Variants in KCNT2 observed in about 807,000 individuals in gnomAD.
KCNT2 encodes the protein potassium channel subfamily T member 2.
A neutral mutation model predicts 153.8 loss-of-function variants in KCNT2; 67 were observed. The ratio of observed to expected loss-of-function variants is 0.44; its 90% CI spans 0.36 to 0.53. The LOEUF (loss-of-function observed/expected upper bound fraction) is 0.53. Ranked by LOEUF, KCNT2 falls within the 20% of genes least tolerant of loss-of-function variation. The pLI is 0.00. For missense variants in KCNT2, 975 were observed against 1,354.8 expected (o/e 0.72, Z 4.40); for synonymous variants, 500 against 458.8 (o/e 1.09, Z -1.15).
chr1:196,598,118 G>A (rs544665938), intron 1 of KCNT2, among the ~76,000 whole-genome samples: 1 of 152,200 alleles, frequency 6.6e-6, no homozygotes, highest in African/African-American at 2.4e-5. Context: ...ATAAATGGAT[G>A]ACCCTGTCCA....
chr1:196,367,626 A>G (rs181940133), intron 14 of KCNT2, among the ~76,000 whole-genome samples: 10 of 152,312 alleles, frequency 6.6e-5, no homozygotes, highest in Admixed American at 6.5e-4. Context: ...ATGAAAGCAT[A>G]GTTTCTTTGC....
chr1:196,278,366 A>C (rs1658777963), intron 25 of KCNT2, among the ~76,000 whole-genome samples: 1 of 152,152 alleles, frequency 6.6e-6, no homozygotes. Context: ...ATTTAATTTA[A>C]TAACAATATG....
chr1:196,364,350 A>G (rs1667870588), intron 14 of KCNT2, among the ~76,000 whole-genome samples: 1 of 152,130 alleles, frequency 6.6e-6, no homozygotes, highest in African/African-American at 2.4e-5. Context: ...ACGTAATTTT[A>G]TTTTTCAGGA....
chr1:196,477,024 A>G (rs1678595656), intron 5 of KCNT2, among the ~76,000 whole-genome samples: 1 of 152,280 alleles, frequency 6.6e-6, no homozygotes, highest in South Asian at 2.1e-4. Context: ...TTTGTTCCTC[A>G]GATATTTCTA....
chr1:196,571,276 G>C (rs942882296), intron 1 of KCNT2, among the ~76,000 whole-genome samples: 1 of 152,104 alleles, frequency 6.6e-6, no homozygotes, highest in Non-Finnish European at 1.5e-5. Flanking sequence ...TACAGTATCT[G>C]TTGGAAGAAT....
At chr1:196,312,504 T>C (rs1362806934) in intron 21 of KCNT2, among the ~76,000 whole-genome samples, 2 of 151,788 alleles carry the variant, frequency 1.3e-5, no homozygotes, top group African/African-American at 2.4e-5. Context: ...AGGACTCTCA[T>C]GATGTCTGTA....
At chr1:196,359,395 C>A (rs935393812) in intron 14 of KCNT2, among the ~76,000 whole-genome samples, 1 of 151,868 alleles carries the variant, frequency 6.6e-6, no homozygotes, top group South Asian at 2.1e-4. Flanking sequence ...TTAAAAATTT[C>A]TTTTTCCTTG....
intron 25 of KCNT2, among the ~76,000 whole-genome samples, chr1:196,265,785 CCA>C (rs1263865590): frequency 6.6e-6 from 1 of 152,136 alleles, no homozygotes; most frequent in African/African-American, 2.4e-5. Flanking sequence ...TTCCTGATCC[CCA>C]CAGTTATAGA....
rs1222233083 is a variant in KCNT2, at chr1:196,437,188, T to C, written c.639-7431A>G. Among the ~76,000 whole-genome samples the C allele has an allele frequency of 2.9e-5, 3 of 103,930 alleles. No homozygotes were observed. In the Admixed American group the frequency reaches 4.0e-4, roughly 14 times the overall value. 68.2% of individuals were successfully genotyped at this position (103,930 alleles called of 152,430 possible). The stretch of plus-strand genomic sequence containing the variant: ...TATATGATAATAAACAAAATGTGTG[T>C]TACAATTAGGTAACTACCAAAACCA... On this transcript the variant is annotated intron_variant, in intron 8 of 27. Coordinates refer to ENST00000294725, the MANE Select transcript of KCNT2 (RefSeq NM_198503.5).
intron 5 of KCNT2, among the ~76,000 whole-genome samples, chr1:196,472,527 T>A (rs908417117): frequency 1.3e-5 from 2 of 152,178 alleles, no homozygotes; most frequent in Non-Finnish European, 1.5e-5. Flanking sequence ...ATTGTATCAA[T>A]AGCTCGAACC....
chr1:196,249,845 C>A (rs913952170), intron 26 of KCNT2, among the ~76,000 whole-genome samples: 1 of 151,728 alleles, frequency 6.6e-6, no homozygotes, highest in South Asian at 2.1e-4. Context: ...AAGGTAATCC[C>A]ATTTACAATA....
intron 21 of KCNT2, among the ~76,000 whole-genome samples, chr1:196,313,091 G>C (rs1662349592): frequency 6.6e-6 from 1 of 151,676 alleles, no homozygotes; most frequent in African/African-American, 2.4e-5. Flanking sequence ...GAGGATTTCA[G>C]TGCAGCAGTG....
chr1:196,278,137 A>G lies in KCNT2; in HGVS notation c.2910+2723T>C, dbSNP rs187881995. On this transcript the variant is annotated intron_variant, in intron 25 of 27. Coordinates refer to ENST00000294725, the MANE Select transcript of KCNT2 (RefSeq NM_198503.5). Reference sequence around the variant, plus strand: ...TGAATTTTATCCTTTCATGTATCAGACCATAATTACTATATAGATCAACAT... The same window carrying G: ...TGAATTTTATCCTTTCATGTATCAGGCCATAATTACTATATAGATCAACAT... Among the ~76,000 whole-genome samples, 709 of 152,270 alleles carry G rather than the reference A, an allele frequency of 4.7e-3. 6 individuals are homozygous for G. Among genetic ancestry groups the G allele is most frequent in the African/African-American group, 0.016 (664 of 41,552 alleles).
At chr1:196,494,069 A>G (rs1028299290) in intron 1 of KCNT2, among the ~76,000 whole-genome samples, 6 of 152,200 alleles carry the variant, frequency 3.9e-5, no homozygotes, top group African/African-American at 1.4e-4. Flanking sequence ...ACATCTACGT[A>G]CATATACATA....
At chr1:196,341,425 AAGTCAAAGCATC>A (rs1277895844) in intron 15 of KCNT2, among the ~76,000 whole-genome samples, 5 of 152,042 alleles carry the variant, frequency 3.3e-5, no homozygotes, top group Non-Finnish European at 5.9e-5. Flanking sequence ...AAAAAATAGT[AAGTCAAAGCATC>A]ATAAGTTGGG....
At chr1:196,334,115 T>C (rs772164140) in intron 16 of KCNT2, 55 bp from the exon 17 acceptor site, 166 of 1,056,868 alleles carry the variant, frequency 1.6e-4, no homozygotes, top group Non-Finnish European at 2.0e-4. Context: ...TGATCACTAG[T>C]GTTGAAGGTT....
At chr1:196,418,989 G>A (rs951661608) in intron 12 of KCNT2, among the ~76,000 whole-genome samples, 19 of 152,004 alleles carry the variant, frequency 1.2e-4, no homozygotes, top group African/African-American at 4.6e-4. Context: ...AGAGCCTGCT[G>A]TTTAGGGTCC....
intron 14 of KCNT2, among the ~76,000 whole-genome samples, chr1:196,362,246 G>A (rs1341565994): frequency 6.6e-6 from 1 of 152,040 alleles, no homozygotes; most frequent in Admixed American, 6.6e-5. Context: ...TAGGATTAAA[G>A]GGAAACAAAG....
intron 5 of KCNT2, among the ~76,000 whole-genome samples, chr1:196,475,280 C>A (rs537009822): frequency 5.0e-4 from 76 of 152,214 alleles, no homozygotes; most frequent in Admixed American, 2.4e-3. Context: ...TGGTGCAATA[C>A]AATATCCATT....
Sources: gnomAD v4.1 joint callset for allele counts (sites outside exome capture counted in the v4.1 genomes callset) on GRCh38, gnomAD v4.1.1 for gene constraint, MANE v1.5 for transcripts, NCBI Gene and HGNC (gene_info 2026-07-23, HGNC 2026-07-21) for gene names.